XXYLT1: variants seen among roughly 807,000 people sequenced by gnomAD.
XXYLT1 encodes xyloside xylosyltransferase 1.
XXYLT1 carries 20 observed loss-of-function variants against 28.9 expected under a neutral mutation model. The observed-to-expected ratio is 0.69, with a 90% confidence interval of 0.49 to 1.00. The LOEUF (loss-of-function observed/expected upper bound fraction) is 1.00, where lower values mean the gene tolerates loss of function less well. Ranked by LOEUF, XXYLT1 falls within the 50% of genes least tolerant of loss-of-function variation. The pLI is 0.00. For synonymous variants in XXYLT1, 257 were observed against 253.8 expected, an observed-to-expected ratio of 1.01 and a Z score of -0.12; for missense variants, 542 against 560.1, an observed-to-expected ratio of 0.97 and a Z score of 0.33.
At chr3:195,246,379 A>C (rs1725024640) in intron 1 of XXYLT1, among the ~76,000 whole-genome samples, 1 of 152,126 alleles carries the variant, frequency 6.6e-6, no homozygotes, top group African/African-American at 2.4e-5. Context: ...CAATGGCAAG[A>C]GGGTCTTTGG....
intron 3 of XXYLT1, among the ~76,000 whole-genome samples, chr3:195,106,611 C>G (rs961032391): frequency 2.0e-5 from 3 of 152,366 alleles, no homozygotes; most frequent in African/African-American, 7.2e-5. Context: ...CGGCGAGGCG[C>G]GGAACTGCAG....
At chr3:195,105,788 T>C (rs1577031101) in intron 3 of XXYLT1, among the ~76,000 whole-genome samples, 1 of 152,210 alleles carries the variant, frequency 6.6e-6, no homozygotes, top group African/African-American at 2.4e-5. Context: ...CCACCGTCGG[T>C]GAAACTGTGA....
At chr3:195,202,812 A>G (rs1413588246) in intron 2 of XXYLT1, among the ~76,000 whole-genome samples, 1 of 152,252 alleles carries the variant, frequency 6.6e-6, no homozygotes, top group Non-Finnish European at 1.5e-5. Flanking sequence ...ATAGTAGGCC[A>G]TAACTATTCT....
chr3:195,241,613 T>C (rs1724778442), intron 1 of XXYLT1, among the ~76,000 whole-genome samples: 1 of 152,116 alleles, frequency 6.6e-6, no homozygotes, highest in Non-Finnish European at 1.5e-5. Context: ...GAGTCTTTCA[T>C]TCCTACACCC....
Position 195,139,106 on chromosome 3 carries a change from G to A in XXYLT1, c.785+17343C>T, listed in dbSNP as rs188925827. Among the ~76,000 whole-genome samples, 5 of 152,180 alleles carry A rather than the reference G, an allele frequency of 3.3e-5. No individual in the cohort carries two copies. The East Asian group carries it at 7.7e-4, about 24-fold the overall frequency. On this transcript the variant is annotated intron_variant, in intron 3 of 3. Transcript: ENST00000310380. ...CCCCCAGTGTCAGGCTAAGGAGTTCGGCTTTTAAAATTAGTCCAATGTCTA... is the reference window on the plus strand; with the variant it reads ...CCCCCAGTGTCAGGCTAAGGAGTTCAGCTTTTAAAATTAGTCCAATGTCTA...
At chr3:195,088,702 A>G (rs1410375283) in intron 3 of XXYLT1, among the ~76,000 whole-genome samples, 2 of 142,044 alleles carry the variant, frequency 1.4e-5, no homozygotes, top group Non-Finnish European at 3.1e-5. Context: ...CTGAGAGAAG[A>G]AGGCTTCAGA....
At chr3:195,178,645 G>C (rs1412937014) in intron 2 of XXYLT1, among the ~76,000 whole-genome samples, 1 of 152,208 alleles carries the variant, frequency 6.6e-6, no homozygotes, top group Admixed American at 6.5e-5. Context: ...GTTTGTGTCT[G>C]CCCTCTCCCA....
At chr3:195,259,837 G>A (rs912149319) in intron 1 of XXYLT1, among the ~76,000 whole-genome samples, 13 of 152,264 alleles carry the variant, frequency 8.5e-5, no homozygotes, top group African/African-American at 2.9e-4. Context: ...TGGCTGCGGA[G>A]GCCCGCCGGG....
intron 3 of XXYLT1, among the ~76,000 whole-genome samples, chr3:195,125,264 G>A (rs1407961934): frequency 6.6e-6 from 1 of 152,238 alleles, no homozygotes; most frequent in Non-Finnish European, 1.5e-5. Context: ...CTAGGGGCCT[G>A]GACATGATGC....
chr3:195,088,325 C>A (rs1038849465), intron 3 of XXYLT1, among the ~76,000 whole-genome samples: 26 of 149,466 alleles, frequency 1.7e-4, no homozygotes, highest in Non-Finnish European at 3.1e-4. Flanking sequence ...TCCCAGCACG[C>A]AGCTGGAGAT....
At chr3:195,197,682 C>T (rs1222956307) in intron 2 of XXYLT1, among the ~76,000 whole-genome samples, 3 of 152,170 alleles carry the variant, frequency 2.0e-5, no homozygotes, top group Admixed American at 6.5e-5. Context: ...CTATATATCC[C>T]GTCCGCTCAG....
At chr3:195,212,883 T>A (rs1458824721) in intron 2 of XXYLT1, among the ~76,000 whole-genome samples, 1 of 152,148 alleles carries the variant, frequency 6.6e-6, no homozygotes, top group Non-Finnish European at 1.5e-5. Flanking sequence ...ACCCTCTGGG[T>A]TGAGATCCTC....
At chr3:195,071,499 G>T (rs1396260269) in intron 3 of XXYLT1, among the ~76,000 whole-genome samples, 2 of 152,174 alleles carry the variant, frequency 1.3e-5, no homozygotes, top group Non-Finnish European at 2.9e-5. Context: ...CTGGCGAGGG[G>T]GAAGCATTCC....
intron 3 of XXYLT1, chr3:195,146,878 C>T (rs1719882170): frequency 6.5e-6 from 1 of 153,706 alleles, no homozygotes; most frequent in Admixed American, 6.5e-5. Flanking sequence ...GTCCCCCGTT[C>T]CCAGGAGGTC....
In XXYLT1 at chr3:195,210,892, T is replaced by C. The variant is rs1215424203; in HGVS notation, c.652+15817A>G. ...CTTCCACACCAAGAACCCCTGCTCCTCCCCCCAGCTGAACGCTGACAGTCA... is the reference window on the plus strand; with the variant it reads ...CTTCCACACCAAGAACCCCTGCTCCCCCCCCCAGCTGAACGCTGACAGTCA... On this transcript the variant is annotated intron_variant, in intron 2 of 3. Coordinates refer to ENST00000310380, the MANE Select transcript of XXYLT1 (RefSeq NM_152531.5). This position sits in a 1 kb window ranked among gnomAD's most constrained non-coding sequence, Gnocchi z 4.8. Among the ~76,000 whole-genome samples the C allele has an allele frequency of 2.0e-5, 3 of 151,272 alleles. No homozygotes were observed. The highest frequency in any genetic ancestry group is 4.4e-5 in the Non-Finnish European group (3 of 67,778).
chr3:195,090,517 C>T (rs965665318), intron 3 of XXYLT1, among the ~76,000 whole-genome samples: 1 of 150,826 alleles, frequency 6.6e-6, no homozygotes, highest in African/African-American at 2.5e-5. Flanking sequence ...CTCTGGGACG[C>T]ATTCAAAGCA....
At chr3:195,156,389 G>C in intron 3 of XXYLT1, 60 bp downstream of exon 3, 1 of 1,586,570 alleles carries the variant, frequency 6.3e-7, no homozygotes, top group South Asian at 1.1e-5. Context: ...GCTGGCAGAA[G>C]AGAGAGGGTG....
chr3:195,110,762 GT>G (rs1717634217), intron 3 of XXYLT1, among the ~76,000 whole-genome samples: 1 of 14,340 alleles, frequency 7.0e-5, no homozygotes, highest in African/African-American at 2.4e-4. Context: ...GTGTATAAGT[GT>G]GTGTGGTGTG....
chr3:195,101,130 C>T (rs1716750304), intron 3 of XXYLT1, among the ~76,000 whole-genome samples: 1 of 152,280 alleles, frequency 6.6e-6, no homozygotes, highest in African/African-American at 2.4e-5. Flanking sequence ...CAGCACGTGA[C>T]AGTGAGGCTA....
Sources: allele counts gnomAD v4.1 joint callset (sites outside exome capture counted in the v4.1 genomes callset), GRCh38; gene constraint gnomAD v4.1.1; non-coding constraint Gnocchi (gnomAD v3.1); transcripts MANE v1.5; gene names NCBI Gene and HGNC (gene_info 2026-07-23, HGNC 2026-07-21).